SLC28A2: variants seen among roughly 807,000 people sequenced by gnomAD.
SLC28A2 encodes the protein sodium/nucleoside cotransporter 2.
A neutral mutation model predicts 72.9 loss-of-function variants in SLC28A2; 69 were observed. The observed-to-expected ratio is 0.95, with a 90% confidence interval of 0.78 to 1.16. The LOEUF (loss-of-function observed/expected upper bound fraction) is 1.16, where lower values mean the gene tolerates loss of function less well. SLC28A2 is among the 50% of genes most tolerant of loss of function. The probability of loss-of-function intolerance (pLI) is 0.00; values close to 1 mark genes in which losing one functional copy is unlikely to be tolerated. For synonymous variants in SLC28A2, 296 were observed against 294.1 expected (o/e 1.01, Z -0.07); for missense variants, 745 against 791.1 (o/e 0.94, Z 0.70).
At chr15:45,260,190 G>C (rs1182738072) in intron 3 of SLC28A2, among the ~76,000 whole-genome samples, 3 of 152,190 alleles carry the variant, frequency 2.0e-5, no homozygotes, top group African/African-American at 7.2e-5. Context: ...CACCTGGCAG[G>C]AGAGTCAGAT....
At position 45,269,444 on chromosome 15, in the gene SLC28A2, A is replaced by G. The variant is rs1900471690; in HGVS notation, c.1475A>G (p.Glu492Gly). The G allele has an allele frequency of 6.2e-7, 1 of 1,614,044 alleles. No individual in the cohort carries two copies. Among genetic ancestry groups the G allele is most frequent in the South Asian group, 1.1e-5 (1 of 91,080 alleles). ...EMVGIKFFIN[E>G]FVAYQQLSQY... ...GTGGGAATCAAGTTCTTCATAAATG[A>G]GTTTGTGGCTTATCAGCAACTGTCT... The change falls in exon 14 of 18, where the codon GAG (glutamate) becomes GGG (glycine). Residue 492 changes from glutamate (E) to glycine (G), a missense_variant. Transcript: ENST00000347644.
chr15:45,269,528 G>A lies in SLC28A2; in HGVS notation c.1559G>A (p.Trp520Ter), dbSNP rs1401795780. The stretch of plus-strand genomic sequence containing the variant: ...GAGTGGATTGAGGGAGAGAAACAGT[G>A]GATTTCTGTAAGTGACAATCCAAAA... Reference protein sequence around the residue: ...MEEWIEGEKQWISVRAEIITT... With the variant: ...MEEWIEGEKQ The change falls in exon 14 of 18, where the codon TGG (tryptophan) becomes TAG (stop). Residue 520 changes from tryptophan (W) to a stop codon, truncating the protein, a stop_gained. Transcript: ENST00000347644. LOFTEE classifies it high-confidence loss of function. 1 of 1,613,348 alleles carries A rather than the reference G, an allele frequency of 6.2e-7. No individual in the cohort carries two copies. Among genetic ancestry groups the A allele is most frequent in the Admixed American group, 1.7e-5 (1 of 60,008 alleles).
chr15:45,267,109 G>A (rs547251174), intron 10 of SLC28A2, among the ~76,000 whole-genome samples: 3 of 152,180 alleles, frequency 2.0e-5, no homozygotes, highest in Admixed American at 6.5e-5. Context: ...ACTGCATTCC[G>A]TAAGTTCAGT....
rs537863526 is a variant in SLC28A2 at position 45,252,901 on chromosome 15, T to C, written c.-16-299T>C. ...GTAGGAACCTTTATAGCCCAGATCC[T>C]GGGGCCCTGGGCGGCCCACTGATTC... On this transcript the variant is annotated intron_variant, in intron 1 of 17. Transcript: ENST00000347644. Among the ~76,000 whole-genome samples, 7 of 152,350 alleles carry C rather than the reference T, an allele frequency of 4.6e-5. No individual in the cohort carries two copies. In the East Asian group the frequency reaches 1.2e-3, roughly 25 times the overall value.
In SLC28A2 at chr15:45,266,416, AG is replaced by A. The variant is rs370123280; in HGVS notation, c.942+257del. Among the ~76,000 whole-genome samples, 242 of 152,296 alleles carry A rather than the reference AG, an allele frequency of 1.6e-3. 1 individual carries two copies. The highest frequency in any genetic ancestry group is 3.4e-3 in the Middle Eastern group (1 of 294). On this transcript the variant is annotated intron_variant, in intron 10 of 17. Coordinates refer to ENST00000347644, the MANE Select transcript of SLC28A2 (RefSeq NM_004212.4). ...CACTTCTAATGAACACTTCCTACGT[AG>A]GAATGTAGGGAATGTCCTCGTCCAA...
At chr15:45,268,158 G>A in intron 12 of SLC28A2, 52 bp from the exon 13 acceptor site, 1 of 1,531,148 alleles carries the variant, frequency 6.5e-7, no homozygotes. Context: ...TTCTCTGAGG[G>A]GCTGAGACTG....
intron 3 of SLC28A2, among the ~76,000 whole-genome samples, chr15:45,254,844 T>C (rs886150886): frequency 2.0e-5 from 3 of 152,228 alleles, no homozygotes; most frequent in African/African-American, 7.2e-5. Context: ...GTAAATTCTT[T>C]GTAAGTTTTT....
chr15:45,267,944 G>A (rs1272465652), intron 12 of SLC28A2, 148 bp downstream of exon 12: 1 of 1,091,424 alleles, frequency 9.2e-7, no homozygotes, highest in East Asian at 2.4e-5. Context: ...TAATCATGCT[G>A]GTTTTCTTCA....
intron 14 of SLC28A2, 71 bp from the exon 15 acceptor site, chr15:45,270,124 C>A: frequency 9.6e-7 from 1 of 1,043,772 alleles, no homozygotes; most frequent in Non-Finnish European, 1.5e-6. Context: ...TACTCTGGAA[C>A]TTCTATTGTG....
intron 3 of SLC28A2, 110 bp from the exon 4 acceptor site, chr15:45,261,905 T>C (rs762697931): frequency 6.5e-6 from 5 of 765,402 alleles, no homozygotes; most frequent in Admixed American, 1.9e-5. Flanking sequence ...ATATTCTTCA[T>C]TGACTAAGAG....
chr15:45,271,546 G>A (rs1400799257), intron 15 of SLC28A2, among the ~76,000 whole-genome samples: 1 of 135,282 alleles, frequency 7.4e-6, no homozygotes, highest in Non-Finnish European at 1.5e-5. Context: ...TGGGTGACAT[G>A]GGGAGGTCCT....
At chr15:45,272,863 G>A (rs1172495342) in intron 17 of SLC28A2, 79 bp downstream of exon 17, 2 of 757,404 alleles carry the variant, frequency 2.6e-6, no homozygotes, top group Admixed American at 2.0e-5. Context: ...GTTGCATAGA[G>A]TGTATAAGGG....
In SLC28A2 at chr15:45,262,109, G is replaced by A. The variant is rs376464022; in HGVS notation, c.262+3G>A. The A allele has an allele frequency of 6.3e-7, 1 of 1,585,120 alleles. No individual in the cohort carries two copies. The highest frequency in any genetic ancestry group is 8.7e-7 in the Non-Finnish European group (1 of 1,153,938). ...CCTGTTGGGCCTGTTGTGTTTGGGTGAGATATTGAGAATTCATGAAAGTGA... is the reference window on the plus strand; with the variant it reads ...CCTGTTGGGCCTGTTGTGTTTGGGTAAGATATTGAGAATTCATGAAAGTGA... On this transcript the variant is annotated splice_donor_region_variant and intron_variant, in intron 4 of 17. Coordinates refer to ENST00000347644, the MANE Select transcript of SLC28A2 (RefSeq NM_004212.4).
chr15:45,260,326 G>A (rs549151614), intron 3 of SLC28A2, among the ~76,000 whole-genome samples: 40 of 152,230 alleles, frequency 2.6e-4, no homozygotes, highest in Non-Finnish European at 5.7e-4. Context: ...GTTTACATGA[G>A]TTAAATTCCC....
At chr15:45,272,557 A>G in intron 16 of SLC28A2, 116 bp from the exon 17 acceptor site, 1 of 823,502 alleles carries the variant, frequency 1.2e-6, no homozygotes, top group Non-Finnish European at 2.0e-6. Context: ...TGCATTCCAC[A>G]GATACATGGC....
chr15:45,267,389 G>C, intron 10 of SLC28A2, 66 bp from the exon 11 acceptor site: 3 of 1,588,298 alleles, frequency 1.9e-6, no homozygotes, highest in Non-Finnish European at 2.6e-6. Context: ...CCTGGGGCTG[G>C]GGTGGGCACA....
intron 1 of SLC28A2, among the ~76,000 whole-genome samples, chr15:45,252,579 G>C (rs1899826019): frequency 6.6e-6 from 1 of 152,104 alleles, no homozygotes; most frequent in Non-Finnish European, 1.5e-5. Flanking sequence ...CCAAATGTTT[G>C]CTTATTTTGT....
At chr15:45,258,593 G>A (rs11632724) in intron 3 of SLC28A2, among the ~76,000 whole-genome samples, 71,961 of 151,990 alleles carry the variant, frequency 0.47, 20,722 homozygotes, top group Non-Finnish European at 0.67. Flanking sequence ...TACTTTAAAT[G>A]AAAATATACC....
At position 45,272,294 on chromosome 15, in the gene SLC28A2, G is replaced by A; in HGVS notation, c.1649-1G>A. 1 of 1,612,914 alleles carries A rather than the reference G, an allele frequency of 6.2e-7. No homozygotes were observed. Among genetic ancestry groups the A allele is most frequent in the African/African-American group, 1.3e-5 (1 of 75,022 alleles). On this transcript the variant is annotated splice_acceptor_variant, in intron 15 of 17. Transcript: ENST00000347644. LOFTEE classifies it high-confidence loss of function. ...AAGTTATTTTATTTTATTGTCTGCA[G>A]CATCAATAGTACCTCACCGGAAGAG...
Sources: allele counts gnomAD v4.1 joint callset (sites outside exome capture counted in the v4.1 genomes callset), GRCh38; gene constraint gnomAD v4.1.1; transcripts MANE v1.5; gene names NCBI Gene and HGNC (gene_info 2026-07-23, HGNC 2026-07-21).